NAP1L4: variants seen among roughly 807,000 people sequenced by gnomAD.
The protein encoded by NAP1L4 is nucleosome assembly protein 1-like 4.
In NAP1L4, 15 loss-of-function variants were observed where a neutral mutation model predicts 58.2. The observed-to-expected ratio is 0.26, with a 90% CI of 0.17 to 0.40. The LOEUF is 0.40. Among genes scored for constraint, NAP1L4 ranks in the 10% least tolerant of loss-of-function variants. NAP1L4 has a pLI of 1.00. For missense variants in NAP1L4, 384 were observed against 451.1 expected, an observed-to-expected ratio of 0.85 and a Z score of 1.35; for synonymous variants, 171 against 155.6, an observed-to-expected ratio of 1.10 and a Z score of -0.74.
Position 2,975,998 on chromosome 11 carries a change from T to C in NAP1L4, c.173+26A>G, listed in dbSNP as rs376762435. ...TTTCCTTTTGTTTCTCCAAATTGCA[T>C]GAGACCCTATTCACAGCACACTTAC... On this transcript the variant is annotated intron_variant, in intron 4 of 15. Transcript: ENST00000380542. The C allele has an allele frequency of 1.1e-4, 169 of 1,570,760 alleles. No homozygotes were observed. The African/African-American group carries it at 2.2e-3, about 20-fold the overall frequency.
At chr11:2,978,607 G>C (rs961976641) in intron 2 of NAP1L4, among the ~76,000 whole-genome samples, 1 of 152,134 alleles carries the variant, frequency 6.6e-6, no homozygotes, top group East Asian at 1.9e-4. Context: ...AAGCTTCTTA[G>C]CTCTCATTTC....
intron 1 of NAP1L4, among the ~76,000 whole-genome samples, chr11:2,987,756 CAAAA>C (rs57754393): frequency 5.7e-5 from 4 of 70,456 alleles, no homozygotes; most frequent in African/African-American, 6.2e-5. Context: ...GACTCCACCT[CAAAA>C]AAAAAAAAAA....
intron 6 of NAP1L4, among the ~76,000 whole-genome samples, chr11:2,970,562 CA>C (rs1204326477): frequency 5.9e-5 from 9 of 152,128 alleles, no homozygotes; most frequent in Admixed American, 5.9e-4. Context: ...GGCCACATGG[CA>C]AAAGGAAGGG....
rs558728984 is a variant in NAP1L4 at position 2,946,757 on chromosome 11, G to C, written c.*33-1111C>G. 6.6e-6 allele frequency among the ~76,000 whole-genome samples: 1 copy of C among 152,212 alleles called. No individual in the cohort carries two copies. Among genetic ancestry groups the C allele is most frequent in the Non-Finnish European group, 1.5e-5 (1 of 68,034 alleles). ...AGCTCCCAATCTCAGCCACCCCAGAGGCTGCCCAAAGAGCCTGGCCAAGAC... is the reference window on the plus strand; with the variant it reads ...AGCTCCCAATCTCAGCCACCCCAGACGCTGCCCAAAGAGCCTGGCCAAGAC... On this transcript the variant is annotated intron_variant, in intron 15 of 15. Coordinates refer to ENST00000380542, the MANE Select transcript of NAP1L4 (RefSeq NM_005969.4). This position sits in a 1 kb window ranked among gnomAD's most constrained non-coding sequence, Gnocchi z 4.8.
chr11:2,950,433 C>T (rs916932347), intron 14 of NAP1L4, among the ~76,000 whole-genome samples: 3 of 152,118 alleles, frequency 2.0e-5, no homozygotes, highest in African/African-American at 7.2e-5. Context: ...TTAGTGCACA[C>T]TCCAAAAAAC....
chr11:2,948,844 T>C lies in NAP1L4; in HGVS notation c.*32+383A>G, dbSNP rs1846074303. Reference sequence around the variant, plus strand: ...GCCAATTTCAACTGCCAGTGTGTGTTCTGAGCACAGCTGGGACAGCCCAGT... The same window carrying C: ...GCCAATTTCAACTGCCAGTGTGTGTCCTGAGCACAGCTGGGACAGCCCAGT... On this transcript the variant is annotated intron_variant, in intron 15 of 15. Coordinates refer to ENST00000380542, the MANE Select transcript of NAP1L4 (RefSeq NM_005969.4). The surrounding 1 kb of genome is among the most constrained non-coding windows in gnomAD (Gnocchi z 5.1). Among the ~76,000 whole-genome samples, 1 of 152,216 alleles carries C rather than the reference T, an allele frequency of 6.6e-6. No homozygotes were observed. Among genetic ancestry groups the C allele is most frequent in the African/African-American group, 2.4e-5 (1 of 41,456 alleles).
chr11:2,951,098 G>C lies in NAP1L4; in HGVS notation c.1122+161C>G, dbSNP rs1846200713. ...ACTCAACACTCAAATTATAGACACA[G>C]TGTCTGAATAATCATTCCACTATTT... On this transcript the variant is annotated intron_variant, in intron 14 of 15. Coordinates refer to ENST00000380542, the MANE Select transcript of NAP1L4 (RefSeq NM_005969.4). This position sits in a 1 kb window ranked among gnomAD's most constrained non-coding sequence, Gnocchi z 4.0. 1 of 677,112 alleles carries C rather than the reference G, an allele frequency of 1.5e-6. No homozygotes were observed. The highest frequency in any genetic ancestry group is 2.6e-6 in the Non-Finnish European group (1 of 381,930). 41.9% of individuals were successfully genotyped at this position (677,112 alleles called of 1,614,324 possible). A position where few individuals can be genotyped will look rare whatever the true frequency, so the allele number is the denominator to read the frequency against.
chr11:2,979,058 C>A (rs879176589), intron 2 of NAP1L4, 149 bp downstream of exon 2: 3 of 756,422 alleles, frequency 4.0e-6, no homozygotes, highest in African/African-American at 1.8e-5. Flanking sequence ...AATTTCTTTA[C>A]GTGCTCAAAT....
chr11:2,959,635 AC>A lies in NAP1L4; in HGVS notation c.746+134del. 1 of 1,021,440 alleles carries A rather than the reference AC, an allele frequency of 9.8e-7. No homozygotes were observed. Among genetic ancestry groups the A allele is most frequent in the East Asian group, 2.6e-5 (1 of 38,584 alleles). The allele number at this position is 1,021,440 out of a possible 1,614,324, so 63.3% of individuals were successfully genotyped here. On this transcript the variant is annotated intron_variant, in intron 9 of 15. Transcript: ENST00000380542. This position sits in a 1 kb window ranked among gnomAD's most constrained non-coding sequence, Gnocchi z 4.9. ...CCAAACTGAAAGACTATTGAAATAT[AC>A]ATCTACCAGGCTTTTAGGCTTTTAA...
chr11:2,963,661 C>T (rs1485099826), intron 8 of NAP1L4: 2 of 482,208 alleles, frequency 4.1e-6, no homozygotes, highest in East Asian at 1.1e-4. Context: ...ATCCATTAGC[C>T]CAGGCCCCAG....
chr11:2,945,541 G>A lies in NAP1L4; in HGVS notation c.*138C>T. On this transcript the variant is annotated 3_prime_UTR_variant, in exon 16 of 16. Coordinates refer to ENST00000380542, the MANE Select transcript of NAP1L4 (RefSeq NM_005969.4). ...TGTCCACGGGATTGTGCTGCGGCAA[G>A]GACCGAGGCCCCGCCCACAGGCCTG... 2 of 1,394,478 alleles carry A rather than the reference G, an allele frequency of 1.4e-6. No individual in the cohort carries two copies. Among genetic ancestry groups the A allele is most frequent in the South Asian group, 2.5e-5 (2 of 80,308 alleles). 86.4% of individuals were successfully genotyped at this position (1,394,478 alleles called of 1,614,324 possible). A position where few individuals can be genotyped will look rare whatever the true frequency, so the allele number is the denominator to read the frequency against.
intron 4 of NAP1L4, among the ~76,000 whole-genome samples, chr11:2,973,668 G>T (rs940311979): frequency 1.3e-5 from 2 of 152,046 alleles, no homozygotes; most frequent in African/African-American, 4.8e-5. Context: ...TAACATTCTA[G>T]AACTACTGCT....
Position 2,951,158 on chromosome 11 carries a change from A to G in NAP1L4, c.1122+101T>C, listed in dbSNP as rs1463082378. The G allele has an allele frequency of 2.3e-6, 2 of 870,328 alleles. No homozygotes were observed. The highest frequency in any genetic ancestry group is 3.8e-6 in the Non-Finnish European group (2 of 531,742). The allele number at this position is 870,328 out of a possible 1,614,324, so 53.9% of individuals were successfully genotyped here. On this transcript the variant is annotated intron_variant, in intron 14 of 15. Coordinates refer to ENST00000380542, the MANE Select transcript of NAP1L4 (RefSeq NM_005969.4). The surrounding 1 kb of genome is among the most constrained non-coding windows in gnomAD (Gnocchi z 4.0). ...ATTTTAAACTTTCTAATTAGGGAATAATGAATATTGTTAACACTACTGCCT... is the reference window on the plus strand; with the variant it reads ...ATTTTAAACTTTCTAATTAGGGAATGATGAATATTGTTAACACTACTGCCT...
At chr11:2,969,165 A>G (rs1400113697) in intron 7 of NAP1L4, among the ~76,000 whole-genome samples, 1 of 151,656 alleles carries the variant, frequency 6.6e-6, no homozygotes, top group East Asian at 1.9e-4. Context: ...TAACTTTTCT[A>G]TTTTTTGTAG....
chr11:2,947,226 T>C (rs1438819070), intron 15 of NAP1L4, among the ~76,000 whole-genome samples: 2 of 152,112 alleles, frequency 1.3e-5, no homozygotes, highest in Non-Finnish European at 2.9e-5. Flanking sequence ...CAACCAGAAA[T>C]AAATCTAAAT....
chr11:2,974,283 C>T (rs1847825326), intron 4 of NAP1L4, among the ~76,000 whole-genome samples: 2 of 152,098 alleles, frequency 1.3e-5, no homozygotes, highest in Non-Finnish European at 2.9e-5. Context: ...CTAGTGTGCC[C>T]CCAACAGTCC....
At position 2,949,355 on chromosome 11, in the gene NAP1L4, A is replaced by G. The variant is rs1846104244; in HGVS notation, c.1123-91T>C. ...CAGGAGGAAACGGCCACAATTTCTC[A>G]TGATACAAAAGGGCTGCAAGATACT... On this transcript the variant is annotated intron_variant, in intron 14 of 15. Coordinates refer to ENST00000380542, the MANE Select transcript of NAP1L4 (RefSeq NM_005969.4). This position sits in a 1 kb window ranked among gnomAD's most constrained non-coding sequence, Gnocchi z 4.0. The G allele has an allele frequency of 9.4e-7, 1 of 1,068,152 alleles. No individual in the cohort carries two copies. The highest frequency in any genetic ancestry group is 1.3e-5 in the South Asian group (1 of 78,456). The allele number at this position is 1,068,152 out of a possible 1,614,324, so 66.2% of individuals were successfully genotyped here. A position where few individuals can be genotyped will look rare whatever the true frequency, so the allele number is the denominator to read the frequency against.
Position 2,971,397 on chromosome 11 carries a change from T to G in NAP1L4, c.402+51A>C. On this transcript the variant is annotated intron_variant, in intron 6 of 15. Coordinates refer to ENST00000380542, the MANE Select transcript of NAP1L4 (RefSeq NM_005969.4). The surrounding 1 kb of genome is among the most constrained non-coding windows in gnomAD (Gnocchi z 4.2). ...ATTAAAAATCATTAAAAAATGCTTATTTTTAACAGTATTAAAACAGAACAT... is the reference window on the plus strand; with the variant it reads ...ATTAAAAATCATTAAAAAATGCTTAGTTTTAACAGTATTAAAACAGAACAT... 6.7e-7 allele frequency: 1 copy of G among 1,497,434 alleles called. No homozygotes were observed. The highest frequency in any genetic ancestry group is 9.2e-7 in the Non-Finnish European group (1 of 1,083,872). The allele number at this position is 1,497,434 out of a possible 1,614,324, so 92.8% of individuals were successfully genotyped here.
At chr11:2,956,447 A>C (rs377025463) in intron 10 of NAP1L4, among the ~76,000 whole-genome samples, 68 of 152,334 alleles carry the variant, frequency 4.5e-4, no homozygotes, top group Middle Eastern at 3.4e-3. Context: ...CCTGAGCTTC[A>C]TCAGGAGTTG....
Sources: gnomAD v4.1 joint callset for allele counts (sites outside exome capture counted in the v4.1 genomes callset) on GRCh38, gnomAD v4.1.1 for gene constraint, Gnocchi (gnomAD v3.1) non-coding constraint, MANE v1.5 for transcripts, NCBI Gene and HGNC (gene_info 2026-07-23, HGNC 2026-07-21) for gene names.